KIRREL3: variants seen among roughly 807,000 people sequenced by gnomAD.
KIRREL3 encodes kirre like nephrin family adhesion molecule 3, also known as kin of IRRE-like protein 3.
Under a neutral mutation model 89.7 loss-of-function variants are expected in KIRREL3, and 36 were observed. That is an observed-to-expected ratio of 0.40 (90% confidence interval 0.31 to 0.53). KIRREL3 has a LOEUF of 0.53. Among genes scored for constraint, KIRREL3 ranks in the 20% least tolerant of loss-of-function variants. KIRREL3 has a pLI of 0.49. For synonymous variants in KIRREL3, 445 were observed against 441.4 expected (o/e 1.01, Z -0.10); for missense variants, 864 against 1,056.6 (o/e 0.82, Z 2.53).
chr11:126,859,164 C>T (rs1944629833), intron 1 of KIRREL3, among the ~76,000 whole-genome samples: 1 of 152,200 alleles, frequency 6.6e-6, no homozygotes, highest in Non-Finnish European at 1.5e-5. Flanking sequence ...GAGAAAGAAG[C>T]CCTGTCCTTG....
chr11:126,854,421 T>C (rs2134581282), intron 1 of KIRREL3, among the ~76,000 whole-genome samples: 1 of 152,280 alleles, frequency 6.6e-6, no homozygotes, highest in East Asian at 1.9e-4. Flanking sequence ...CACCTTCTAC[T>C]TTGTCTCTAT....
intron 1 of KIRREL3, among the ~76,000 whole-genome samples, chr11:126,934,730 A>C (rs1007355848): frequency 2.0e-5 from 3 of 152,248 alleles, no homozygotes; most frequent in African/African-American, 7.2e-5. Flanking sequence ...AACTCTTAAA[A>C]CTCAGCAATA....
intron 1 of KIRREL3, among the ~76,000 whole-genome samples, chr11:126,942,517 C>T (rs905000683): frequency 6.6e-6 from 1 of 152,172 alleles, no homozygotes; most frequent in African/African-American, 2.4e-5. Flanking sequence ...CTGTGGAAGT[C>T]CCGGCTGCCC....
At chr11:127,001,829 C>T (rs1950321241), upstream of KIRREL3, among the ~76,000 whole-genome samples, 2 of 151,720 alleles carry the variant, frequency 1.3e-5, no homozygotes, top group Admixed American at 6.6e-5. Context: ...AGTACACACA[C>T]AAGATGCAAA....
intron 1 of KIRREL3, among the ~76,000 whole-genome samples, chr11:126,929,380 G>A (rs1049326252): frequency 6.6e-6 from 1 of 152,154 alleles, no homozygotes; most frequent in Non-Finnish European, 1.5e-5. Context: ...GGTGTGGACA[G>A]GAAGAGAGGC....
chr11:126,867,681 C>T lies in KIRREL3; in HGVS notation c.55+132774G>A, dbSNP rs1323962026. Among the ~76,000 whole-genome samples the T allele has an allele frequency of 6.6e-6, 1 of 152,200 alleles. No individual in the cohort carries two copies. The highest frequency in any genetic ancestry group is 1.5e-5 in the Non-Finnish European group (1 of 68,034). On this transcript the variant is annotated intron_variant, in intron 1 of 16. Transcript: ENST00000525144. The surrounding 1 kb of genome is among the most constrained non-coding windows in gnomAD (Gnocchi z 4.7). ...TTTCCAGGTGAAAGAAATGAAGGCA[C>T]AGCCTCTCTTGGATACTTATTTAAA... is the stretch of plus-strand genomic sequence containing the variant.
At chr11:126,850,275 C>A (rs1361948156) in intron 1 of KIRREL3, among the ~76,000 whole-genome samples, 1 of 152,208 alleles carries the variant, frequency 6.6e-6, no homozygotes, top group Non-Finnish European at 1.5e-5. Flanking sequence ...TCCCTTTTCA[C>A]AAGGGCAAAT....
intron 1 of KIRREL3, among the ~76,000 whole-genome samples, chr11:126,942,025 C>G (rs956410065): frequency 2.0e-5 from 3 of 152,194 alleles, no homozygotes; most frequent in African/African-American, 7.2e-5. Context: ...CCAGCTCTGT[C>G]ATTTTCCAGT....
chr11:126,770,806 T>C (rs897644506), intron 1 of KIRREL3, among the ~76,000 whole-genome samples: 3 of 152,174 alleles, frequency 2.0e-5, no homozygotes, highest in African/African-American at 7.2e-5. Context: ...TCATTGAAGA[T>C]GGAAGGGGCA....
chr11:126,826,608 TAAG>T (rs1943421952), intron 1 of KIRREL3, among the ~76,000 whole-genome samples: 1 of 152,194 alleles, frequency 6.6e-6, no homozygotes, highest in South Asian at 2.1e-4. Context: ...CTTTCACGGC[TAAG>T]AAGTTTTGGG....
At chr11:126,451,386 G>C (rs1181855357) in intron 7 of KIRREL3, among the ~76,000 whole-genome samples, 8 of 149,162 alleles carry the variant, frequency 5.4e-5, no homozygotes, top group African/African-American at 2.0e-4. Context: ...GCGTGTGCAT[G>C]TGTGAACGTG....
At position 126,643,416 on chromosome 11, in the gene KIRREL3, T is replaced by C. The variant is rs573135253; in HGVS notation, c.56-80504A>G. 6.6e-6 allele frequency among the ~76,000 whole-genome samples: 1 copy of C among 152,208 alleles called. No homozygotes were observed. Among genetic ancestry groups the C allele is most frequent in the East Asian group, 1.9e-4 (1 of 5,180 alleles). ...GAATTTGAGATGGTCTTGAAGAGGA[T>C]TTTAACACATGCAGATGGAAGCTAT... is the stretch of plus-strand genomic sequence containing the variant. On this transcript the variant is annotated intron_variant, in intron 1 of 16. Coordinates refer to ENST00000525144, the MANE Select transcript of KIRREL3 (RefSeq NM_032531.4). The surrounding 1 kb of genome is among the most constrained non-coding windows in gnomAD (Gnocchi z 4.5).
At position 126,541,988 on chromosome 11, in the gene KIRREL3, C is replaced by G. The variant is rs1043688508; in HGVS notation, c.134-15301G>C. On this transcript the variant is annotated intron_variant, in intron 2 of 16. Coordinates refer to ENST00000525144, the MANE Select transcript of KIRREL3 (RefSeq NM_032531.4). This position sits in a 1 kb window ranked among gnomAD's most constrained non-coding sequence, Gnocchi z 4.8. ...AGAGCTGAGGCAGCGCGGGAAGGAC[C>G]GAGTCCTGCCCTCGGCAGCCCTGCA... 6.6e-6 allele frequency among the ~76,000 whole-genome samples: 1 copy of G among 152,224 alleles called. No individual in the cohort carries two copies. Among genetic ancestry groups the G allele is most frequent in the Admixed American group, 6.5e-5 (1 of 15,286 alleles).
chr11:126,782,151 G>A lies in KIRREL3; in HGVS notation c.55+218304C>T, dbSNP rs1950345105. 1.3e-5 allele frequency among the ~76,000 whole-genome samples: 2 copies of A among 152,174 alleles called. No homozygotes were observed. Among genetic ancestry groups the A allele is most frequent in the Admixed American group, 1.3e-4 (2 of 15,282 alleles). Reference sequence around the variant, plus strand: ...CTTCCTAGGAATTAGGTTCAGGCCTGAGACTTAAAAGAGTCCTGTGTGATC... The same window carrying A: ...CTTCCTAGGAATTAGGTTCAGGCCTAAGACTTAAAAGAGTCCTGTGTGATC... On this transcript the variant is annotated intron_variant, in intron 1 of 16. Transcript: ENST00000525144. This position sits in a 1 kb window ranked among gnomAD's most constrained non-coding sequence, Gnocchi z 4.1.
intron 1 of KIRREL3, among the ~76,000 whole-genome samples, chr11:126,821,257 C>G (rs1257982000): frequency 1.3e-5 from 2 of 150,136 alleles, no homozygotes; most frequent in African/African-American, 2.5e-5. Flanking sequence ...AGGGGGACAC[C>G]CCCCAGCAGT....
At position 126,905,826 on chromosome 11, in the gene KIRREL3, G is replaced by A. The variant is rs1372723342; in HGVS notation, c.55+94629C>T. Among the ~76,000 whole-genome samples, 1 of 152,122 alleles carries A rather than the reference G, an allele frequency of 6.6e-6. No homozygotes were observed. Among genetic ancestry groups the A allele is most frequent in the Admixed American group, 6.5e-5 (1 of 15,274 alleles). On this transcript the variant is annotated intron_variant, in intron 1 of 16. Coordinates refer to ENST00000525144, the MANE Select transcript of KIRREL3 (RefSeq NM_032531.4). The surrounding 1 kb of genome is among the most constrained non-coding windows in gnomAD (Gnocchi z 5.0). Reference sequence around the variant, plus strand: ...CACACTGGGGAGAGCCTCCAGTGGGGACATGACTCCCCAAAGCACTTCAGG... The same window carrying A: ...CACACTGGGGAGAGCCTCCAGTGGGAACATGACTCCCCAAAGCACTTCAGG...
chr11:126,956,564 C>T (rs1473545747), intron 1 of KIRREL3, among the ~76,000 whole-genome samples: 1 of 152,108 alleles, frequency 6.6e-6, no homozygotes, highest in Non-Finnish European at 1.5e-5. Flanking sequence ...AGCAGCAGCC[C>T]AAGGAGACGT....
chr11:126,712,357 G>GAGTGAGGC (rs1342923586), intron 1 of KIRREL3, among the ~76,000 whole-genome samples: 1 of 152,116 alleles, frequency 6.6e-6, no homozygotes, highest in Non-Finnish European at 1.5e-5. Flanking sequence ...CGGCCTCTCT[G>GAGTGAGGC]AGTGAGGCAG....
chr11:126,683,253 T>A lies in KIRREL3; in HGVS notation c.56-120341A>T, dbSNP rs1192561850. 1.3e-5 allele frequency among the ~76,000 whole-genome samples: 2 copies of A among 152,172 alleles called. No individual in the cohort carries two copies. The highest frequency in any genetic ancestry group is 4.1e-4 in the South Asian group (2 of 4,820). On this transcript the variant is annotated intron_variant, in intron 1 of 16. Transcript: ENST00000525144. This position sits in a 1 kb window ranked among gnomAD's most constrained non-coding sequence, Gnocchi z 5.2. ...AGAAGAACAAGAATAGTTTTGGGAG[T>A]TCTGGGAGCTACTTCCAAGGGCATG...
Sources: allele counts gnomAD v4.1 joint callset (sites outside exome capture counted in the v4.1 genomes callset), GRCh38; gene constraint gnomAD v4.1.1; non-coding constraint Gnocchi (gnomAD v3.1); transcripts MANE v1.5; gene names NCBI Gene and HGNC (gene_info 2026-07-23, HGNC 2026-07-21).